DCP2: variants seen among roughly 807,000 people sequenced by gnomAD.
DCP2 encodes decapping mRNA 2.
Under a neutral mutation model 56.1 loss-of-function variants are expected in DCP2, and 30 were observed. That is an observed-to-expected ratio of 0.53 (90% CI 0.40 to 0.73). DCP2 has a LOEUF of 0.73. Among genes scored for constraint, DCP2 ranks in the 30% least tolerant of loss-of-function variants. The pLI is 0.00. For missense variants in DCP2, 533 were observed against 502.7 expected (o/e 1.06, Z -0.58); for synonymous variants, 197 against 163.3 (o/e 1.21, Z -1.57).
chr5:113,007,836 C>A, intron 8 of DCP2, 102 bp from the exon 9 acceptor site: 1 of 1,021,974 alleles, frequency 9.8e-7, no homozygotes, highest in Non-Finnish European at 1.4e-6. Flanking sequence ...AGAAGCTTTG[C>A]TAAAAACTTG....
rs1186476683 is a variant in DCP2 at position 113,014,855 on chromosome 5, C to A, written c.*1371C>A. 6.6e-6 allele frequency: 1 copy of A among 152,566 alleles called. No homozygotes were observed. Among genetic ancestry groups the A allele is most frequent in the Admixed American group, 6.5e-5 (1 of 15,270 alleles). The allele number at this position is 152,566 out of a possible 1,614,324, so 9.5% of individuals were successfully genotyped here. ...TGCTTATAAATGTTATTGTAGAAATCTTTATTCTGTGTAGGTAGCCTATTT... is the reference window on the plus strand; with the variant it reads ...TGCTTATAAATGTTATTGTAGAAATATTTATTCTGTGTAGGTAGCCTATTT... On this transcript the variant is annotated 3_prime_UTR_variant, in exon 11 of 11. Transcript: ENST00000389063.
chr5:113,014,210 G>A lies in DCP2; in HGVS notation c.*726G>A, dbSNP rs1749791799. On this transcript the variant is annotated 3_prime_UTR_variant, in exon 11 of 11. Transcript: ENST00000389063. ...ACTGCTGGAGGAAATGTAGCAGACA[G>A]CATGGAGGCTGGGACCCAGCAGCTA... 6.6e-6 allele frequency: 1 copy of A among 152,258 alleles called. No homozygotes were observed. The highest frequency in any genetic ancestry group is 1.5e-5 in the Non-Finnish European group (1 of 68,078). The allele number at this position is 152,258 out of a possible 1,614,324, so 9.4% of individuals were successfully genotyped here. A position where few individuals can be genotyped will look rare whatever the true frequency, so the allele number is the denominator to read the frequency against.
At chr5:113,012,886 C>T (rs973082748) in intron 10 of DCP2, among the ~76,000 whole-genome samples, 31 of 152,270 alleles carry the variant, frequency 2.0e-4, no homozygotes, top group African/African-American at 7.5e-4. Context: ...TTGTGATCTG[C>T]CCTCCTTGGC....
chr5:113,001,783 T>TA, intron 7 of DCP2, 109 bp downstream of exon 7: 1 of 921,548 alleles, frequency 1.1e-6, no homozygotes, highest in Non-Finnish European at 1.7e-6. Flanking sequence ...TTTTTATAGA[T>TA]ACTCTTTGTT....
At chr5:113,011,321 T>C (rs1205261155) in intron 10 of DCP2, among the ~76,000 whole-genome samples, 1 of 152,240 alleles carries the variant, frequency 6.6e-6, no homozygotes, top group East Asian at 1.9e-4. Flanking sequence ...AGTATGAGTT[T>C]TATTAAAGAT....
chr5:112,989,656 G>C (rs1205633536), intron 2 of DCP2, among the ~76,000 whole-genome samples: 1 of 152,108 alleles, frequency 6.6e-6, no homozygotes, highest in East Asian at 1.9e-4. Context: ...AACTTTCGGA[G>C]ATGGCCAAAG....
At chr5:112,982,645 A>AAAAC (rs1748064932) in intron 1 of DCP2, among the ~76,000 whole-genome samples, 1 of 152,004 alleles carries the variant, frequency 6.6e-6, no homozygotes, top group African/African-American at 2.4e-5. Flanking sequence ...GGTTATAGTA[A>AAAAC]TAATAGTTTT....
At chr5:113,004,186 T>A in intron 8 of DCP2, 109 bp downstream of exon 8, 1 of 1,259,084 alleles carries the variant, frequency 7.9e-7, no homozygotes, top group Non-Finnish European at 1.1e-6. Flanking sequence ...TCTGAGTTAC[T>A]GATCAAAGCC....
At chr5:113,002,783 A>T (rs971673240) in intron 7 of DCP2, among the ~76,000 whole-genome samples, 2 of 152,178 alleles carry the variant, frequency 1.3e-5, no homozygotes, top group Non-Finnish European at 2.9e-5. Context: ...TCAGCTTCCC[A>T]AAGTTTTGAG....
chr5:113,002,768 C>G (rs1016912525), intron 7 of DCP2, among the ~76,000 whole-genome samples: 9 of 152,182 alleles, frequency 5.9e-5, no homozygotes, highest in African/African-American at 2.2e-4. Flanking sequence ...AGTGATCCTC[C>G]TGCCTCAGCT....
At position 113,018,438 on chromosome 5, in the gene DCP2, G is replaced by T. The variant is rs961352911; in HGVS notation, c.*4954G>T. 6.6e-6 allele frequency: 1 copy of T among 152,220 alleles called. No homozygotes were observed. Among genetic ancestry groups the T allele is most frequent in the Non-Finnish European group, 1.5e-5 (1 of 68,040 alleles). The allele number at this position is 152,220 out of a possible 1,614,324, so 9.4% of individuals were successfully genotyped here. On this transcript the variant is annotated 3_prime_UTR_variant, in exon 11 of 11. Transcript: ENST00000389063. Reference sequence around the variant, plus strand: ...TATGTTAGCAGCTTGAAGGCACAACGTAAAAGGAATGAGCTTTCACAAGGT... The same window carrying T: ...TATGTTAGCAGCTTGAAGGCACAACTTAAAAGGAATGAGCTTTCACAAGGT...
rs997787970 is a variant in DCP2, at chr5:113,021,081, G to A, written c.*7597G>A. ...TATGAGATGAACATGATAAAAGTAT[G>A]TTTATATAACAGGAAGAAGCTGGGC... On this transcript the variant is annotated 3_prime_UTR_variant, in exon 11 of 11. Transcript: ENST00000389063. 2.6e-5 allele frequency: 4 copies of A among 152,094 alleles called. No homozygotes were observed. The highest frequency in any genetic ancestry group is 9.7e-5 in the African/African-American group (4 of 41,410). The allele number at this position is 152,094 out of a possible 1,614,324, so 9.4% of individuals were successfully genotyped here.
intron 1 of DCP2, among the ~76,000 whole-genome samples, chr5:112,977,866 G>C (rs572092321): frequency 6.6e-6 from 1 of 152,164 alleles, no homozygotes; most frequent in East Asian, 1.9e-4. Context: ...CTGTGTTTAT[G>C]TTTTAAAAGG....
rs377352438 is a variant in DCP2, at chr5:112,984,686, T to TTAAAAAAAAAAA, written c.54-1149_54-1148insTAAAAAAAAAAA. On this transcript the variant is annotated intron_variant, in intron 1 of 10. Transcript: ENST00000389063. Reference sequence around the variant, plus strand: ...TGCAGTGTTGTTTTTATTTCTTAATTAAAAAAAAAAAAAAAAAATATATAT... The same window carrying TTAAAAAAAAAAA: ...TGCAGTGTTGTTTTTATTTCTTAATTTAAAAAAAAAAAAAAAAAAAAAAAAAAAAATATATAT... The TTAAAAAAAAAAA allele has an allele frequency of 2.2e-5, 2 of 89,492 alleles. 1 individual carries two copies. The highest frequency in any genetic ancestry group is 1.1e-4 in the African/African-American group (2 of 19,036). 5.5% of individuals were successfully genotyped at this position (89,492 alleles called of 1,614,324 possible).
chr5:113,003,582 CA>C (rs1206416984), intron 7 of DCP2, among the ~76,000 whole-genome samples: 2 of 152,050 alleles, frequency 1.3e-5, no homozygotes, highest in African/African-American at 2.4e-5. Flanking sequence ...TCTCAAAAAG[CA>C]GGAAAATGTA....
chr5:113,008,560 G>GT (rs1318531579), intron 9 of DCP2, among the ~76,000 whole-genome samples: 1 of 152,086 alleles, frequency 6.6e-6, no homozygotes, highest in Non-Finnish European at 1.5e-5. Context: ...TATCTTTTCT[G>GT]TAAGTTCTGA....
At chr5:112,990,019 A>G (rs542043410) in intron 2 of DCP2, among the ~76,000 whole-genome samples, 1 of 152,302 alleles carries the variant, frequency 6.6e-6, no homozygotes, top group Admixed American at 6.5e-5. Context: ...TTCCTGAAAA[A>G]TAAGGTTACT....
intron 4 of DCP2, among the ~76,000 whole-genome samples, chr5:112,998,947 A>G (rs1362797294): frequency 6.6e-6 from 1 of 152,164 alleles, no homozygotes; most frequent in Admixed American, 6.5e-5. Flanking sequence ...CACATTCACT[A>G]ATTGCCCATT....
chr5:112,996,455 G>A (rs1036885986), intron 4 of DCP2, among the ~76,000 whole-genome samples: 2 of 152,030 alleles, frequency 1.3e-5, no homozygotes, highest in African/African-American at 2.4e-5. Context: ...TCTACCATGG[G>A]TGCTTACAAT....
Sources: allele counts gnomAD v4.1 joint callset (sites outside exome capture counted in the v4.1 genomes callset), GRCh38; gene constraint gnomAD v4.1.1; transcripts MANE v1.5; gene names NCBI Gene and HGNC (gene_info 2026-07-23, HGNC 2026-07-21).